Variants in DLG2 observed in about 807,000 individuals in gnomAD.
DLG2 encodes the protein discs large MAGUK scaffold protein 2.
A neutral mutation model predicts 132.5 loss-of-function variants in DLG2; 45 were observed. That is an observed-to-expected ratio of 0.34 (90% CI 0.27 to 0.44). DLG2 has a LOEUF of 0.44. Ranked by LOEUF, DLG2 falls within the 20% of genes least tolerant of loss-of-function variation. The pLI, the probability that DLG2 is intolerant of heterozygous loss-of-function variation, is 1.00. For missense variants in DLG2, 1,045 were observed against 1,196.9 expected, an observed-to-expected ratio of 0.87 and a Z score of 1.87; for synonymous variants, 424 against 419.6, an observed-to-expected ratio of 1.01 and a Z score of -0.13.
At chr11:83,500,433 A>G (rs1208538629) in intron 21 of DLG2, among the ~76,000 whole-genome samples, 1 of 152,186 alleles carries the variant, frequency 6.6e-6, no homozygotes, top group African/African-American at 2.4e-5. Context: ...TGAGAGAAGT[A>G]TCAGAGAATC....
chr11:84,985,821 G>A (rs1019789781), intron 6 of DLG2, among the ~76,000 whole-genome samples: 40 of 151,334 alleles, frequency 2.6e-4, no homozygotes, highest in African/African-American at 8.2e-4. Flanking sequence ...GATGAAACCC[G>A]ATCTCTACAA....
chr11:84,273,083 A>T, intron 7 of DLG2: 1 of 1,307,374 alleles, frequency 7.6e-7, no homozygotes, highest in South Asian at 1.7e-5. Context: ...TTCTCTATAG[A>T]TACAACAGGA....
intron 6 of DLG2, among the ~76,000 whole-genome samples, chr11:84,784,321 AAAATAAATAAAT>A (rs58436058): frequency 0.032 from 4,019 of 124,424 alleles, 209 homozygotes; most frequent in African/African-American, 0.11. Context: ...ACTCCACCTC[AAAATAAATAAAT>A]AAATAAATAA....
At chr11:85,026,876 G>A (rs528019444) in intron 6 of DLG2, among the ~76,000 whole-genome samples, 15 of 151,784 alleles carry the variant, frequency 9.9e-5, no homozygotes, top group South Asian at 6.2e-4. Context: ...TAAAATAAGC[G>A]TATTCTTTCA....
chr11:83,658,345 A>G (rs555087473), intron 18 of DLG2, among the ~76,000 whole-genome samples: 31 of 152,370 alleles, frequency 2.0e-4, no homozygotes, highest in African/African-American at 6.0e-4. Context: ...TCTCCAACAG[A>G]TAGATGAGAG....
At chr11:84,787,172 T>C (rs2073046815) in intron 6 of DLG2, among the ~76,000 whole-genome samples, 1 of 152,202 alleles carries the variant, frequency 6.6e-6, no homozygotes, top group African/African-American at 2.4e-5. Context: ...CATGTCCTTT[T>C]TCTAGATTGA....
intron 6 of DLG2, among the ~76,000 whole-genome samples, chr11:85,044,210 C>T (rs2062108540): frequency 6.6e-6 from 1 of 151,980 alleles, no homozygotes; most frequent in Non-Finnish European, 1.5e-5. Flanking sequence ...GTGTTAGATG[C>T]TGCTCCTGTT....
intron 18 of DLG2, among the ~76,000 whole-genome samples, chr11:83,692,483 TA>T (rs1300539693): frequency 1.3e-5 from 2 of 151,944 alleles, no homozygotes; most frequent in Non-Finnish European, 2.9e-5. Flanking sequence ...GGGCTGGAGG[TA>T]GGGGGTGGGA....
chr11:84,680,614 G>A (rs533715431), intron 6 of DLG2, among the ~76,000 whole-genome samples: 1 of 152,130 alleles, frequency 6.6e-6, no homozygotes, highest in South Asian at 2.1e-4. Flanking sequence ...AATCTGATGG[G>A]CTTGAAATAA....
rs145791624 is a variant in DLG2, at chr11:83,812,119, C to T, written c.1722+21495G>A. Among the ~76,000 whole-genome samples the T allele has an allele frequency of 5.2e-3, 793 of 152,248 alleles. 1 individual carries two copies. Among genetic ancestry groups the T allele is most frequent in the Non-Finnish European group, 8.2e-3 (558 of 67,994 alleles). ...TGTCTACTGAGCTGGAAACACTCTT[C>T]TTCGTAGCCACATGTCATGCTGCCA... On this transcript the variant is annotated intron_variant, in intron 17 of 27. Coordinates refer to ENST00000376104, the MANE Select transcript of DLG2 (RefSeq NM_001142699.3).
chr11:84,549,791 T>C (rs754449622), intron 6 of DLG2, among the ~76,000 whole-genome samples: 29 of 152,222 alleles, frequency 1.9e-4, no homozygotes, highest in Non-Finnish European at 3.4e-4. Context: ...TCTCGCTCTG[T>C]CACCTAGGCT....
chr11:83,764,356 T>C (rs1320065751), intron 18 of DLG2, among the ~76,000 whole-genome samples: 1 of 152,224 alleles, frequency 6.6e-6, no homozygotes, highest in East Asian at 1.9e-4. Flanking sequence ...AATATATGGT[T>C]GTTTAATGAA....
intron 9 of DLG2, among the ~76,000 whole-genome samples, chr11:84,108,570 T>C (rs2093130005): frequency 6.6e-6 from 1 of 152,040 alleles, no homozygotes; most frequent in Non-Finnish European, 1.5e-5. Flanking sequence ...GAGCTTGACT[T>C]GTTCAAGAAA....
intron 5 of DLG2, among the ~76,000 whole-genome samples, chr11:85,147,352 T>C (rs1000637794): frequency 1.3e-5 from 2 of 152,202 alleles, no homozygotes; most frequent in Non-Finnish European, 2.9e-5. Flanking sequence ...CGTGAAGTGG[T>C]TTCTCATTGT....
intron 6 of DLG2, among the ~76,000 whole-genome samples, chr11:84,890,293 G>A (rs906841104): frequency 6.6e-5 from 10 of 152,110 alleles, no homozygotes; most frequent in African/African-American, 2.4e-4. Context: ...CTTCTCTTGT[G>A]CTGTAGAAAA....
intron 17 of DLG2, chr11:83,814,683 C>T (rs1565177410): frequency 1.3e-5 from 2 of 158,148 alleles, no homozygotes; most frequent in East Asian, 1.8e-4. Flanking sequence ...CAATCTGTTA[C>T]AGATGGGCCA....
intron 19 of DLG2, among the ~76,000 whole-genome samples, chr11:83,568,619 T>G (rs2096747891): frequency 6.6e-6 from 1 of 152,064 alleles, no homozygotes. Flanking sequence ...CAAAGAACTA[T>G]GGATGAGAGT....
chr11:85,071,713 C>G (rs1398799449), intron 6 of DLG2, among the ~76,000 whole-genome samples: 1 of 151,772 alleles, frequency 6.6e-6, no homozygotes, highest in East Asian at 2.0e-4. Flanking sequence ...TGAAAAAAAT[C>G]AGGCACTCTA....
intron 6 of DLG2, among the ~76,000 whole-genome samples, chr11:84,550,853 C>T (rs1472366181): frequency 3.3e-5 from 5 of 152,266 alleles, no homozygotes; most frequent in South Asian, 2.1e-4. Flanking sequence ...GTGACTCTGT[C>T]GAAATTAAAT....
Sources: allele counts gnomAD v4.1 joint callset (sites outside exome capture counted in the v4.1 genomes callset), GRCh38; gene constraint gnomAD v4.1.1; transcripts MANE v1.5; gene names NCBI Gene and HGNC (gene_info 2026-07-23, HGNC 2026-07-21).